The following LMLN variants were observed in gnomAD, a reference collection of about 807,000 sequenced individuals.
The protein encoded by LMLN is leishmanolysin-like peptidase.
LMLN carries 70 observed loss-of-function variants against 92.3 expected under a neutral mutation model. The ratio of observed to expected loss-of-function variants is 0.76; its 90% CI spans 0.63 to 0.92. The LOEUF (loss-of-function observed/expected upper bound fraction) is 0.92, where lower values mean the gene tolerates loss of function less well. Ranked by LOEUF, LMLN falls within the 40% of genes least tolerant of loss-of-function variation. The pLI, the probability that LMLN is intolerant of heterozygous loss-of-function variation, is 0.00. For synonymous variants in LMLN, 308 were observed against 296.2 expected (o/e 1.04, Z -0.41); for missense variants, 691 against 814.6 (o/e 0.85, Z 1.85).
chr3:198,021,188 A>G (rs988800377), intron 12 of LMLN, among the ~76,000 whole-genome samples: 3 of 152,230 alleles, frequency 2.0e-5, no homozygotes, highest in African/African-American at 7.2e-5. Context: ...CTGTTAAAAC[A>G]TTAGTCTAAT....
At chr3:197,991,779 C>T (rs1321615826) in intron 9 of LMLN, among the ~76,000 whole-genome samples, 1 of 152,026 alleles carries the variant, frequency 6.6e-6, no homozygotes, top group African/African-American at 2.4e-5. Flanking sequence ...TTCTGCACTG[C>T]TCTTGGGCTA....
intron 1 of LMLN, among the ~76,000 whole-genome samples, chr3:197,971,365 A>G (rs946986473): frequency 6.6e-6 from 1 of 152,306 alleles, no homozygotes; most frequent in East Asian, 1.9e-4. Flanking sequence ...TTATAAAACC[A>G]TCAGATCTTG....
At chr3:198,003,203 G>A in intron 11 of LMLN, 78 bp downstream of exon 12, 1 of 854,828 alleles carries the variant, frequency 1.2e-6, no homozygotes, top group Non-Finnish European at 1.8e-6. Context: ...AGCCTAAAAT[G>A]CTATTTTCAA....
intron 10 of LMLN, among the ~76,000 whole-genome samples, chr3:197,996,954 G>C (rs1229793796): frequency 2.0e-5 from 3 of 151,798 alleles, no homozygotes; most frequent in Non-Finnish European, 2.9e-5. Context: ...GCCTACTCTA[G>C]TCTGTGTGTT....
rs143847804 is a variant in LMLN, at chr3:197,999,903, G to A, written c.1232+561G>A. The stretch of plus-strand genomic sequence containing the variant: ...ATGATTTGTTTTCGAATAAGCAGGG[G>A]CTGAGCCCATATGAAGGAAAGAGTA... On this transcript the variant is annotated intron_variant, in intron 11 of 15. Transcript: ENST00000330198. Among the ~76,000 whole-genome samples, 170 of 152,288 alleles carry A rather than the reference G, an allele frequency of 1.1e-3. 1 individual carries two copies. The highest frequency in any genetic ancestry group is 1.6e-3 in the Non-Finnish European group (110 of 68,020).
chr3:198,033,749 A>G (rs1723138875), intron 14 of LMLN, among the ~76,000 whole-genome samples: 1 of 152,200 alleles, frequency 6.6e-6, no homozygotes, highest in Non-Finnish European at 1.5e-5. Flanking sequence ...TGAAACTGCT[A>G]GAGGGCAGGC....
chr3:198,001,631 T>C (rs1722175089), intron 11 of LMLN, among the ~76,000 whole-genome samples: 1 of 152,200 alleles, frequency 6.6e-6, no homozygotes, highest in Non-Finnish European at 1.5e-5. Context: ...GTTGCAGAAG[T>C]TGCAGGCATT....
At chr3:197,961,647 C>T (rs1720894429) in intron 1 of LMLN, among the ~76,000 whole-genome samples, 1 of 152,180 alleles carries the variant, frequency 6.6e-6, no homozygotes, top group Non-Finnish European at 1.5e-5. Context: ...CCCTGTCGTC[C>T]TCACTATTCT....
chr3:197,966,203 C>T (rs867596236), intron 1 of LMLN, among the ~76,000 whole-genome samples: 30 of 152,008 alleles, frequency 2.0e-4, no homozygotes, highest in African/African-American at 5.1e-4. Flanking sequence ...CCATCATGCC[C>T]GGCTAATTTT....
chr3:197,981,721 A>G (rs1721561737), intron 6 of LMLN, among the ~76,000 whole-genome samples: 1 of 152,222 alleles, frequency 6.6e-6, no homozygotes, highest in East Asian at 1.9e-4. Context: ...TATGTCTCAG[A>G]ATAGATTGTA....
chr3:198,006,217 T>A (rs941383285), intron 11 of LMLN, among the ~76,000 whole-genome samples: 2 of 152,242 alleles, frequency 1.3e-5, no homozygotes, highest in Non-Finnish European at 2.9e-5. Context: ...CATAATTCTC[T>A]GGAAATTCAT....
At chr3:197,993,927 A>C (rs1174087682) in intron 9 of LMLN, among the ~76,000 whole-genome samples, 2 of 152,210 alleles carry the variant, frequency 1.3e-5, no homozygotes, top group Non-Finnish European at 2.9e-5. Flanking sequence ...GATGAATGGA[A>C]CAGAATAAAT....
chr3:197,963,771 T>G (rs944269841), intron 1 of LMLN, among the ~76,000 whole-genome samples: 1 of 152,246 alleles, frequency 6.6e-6, no homozygotes, highest in Non-Finnish European at 1.5e-5. Context: ...ATCATTTATG[T>G]ATTTTTTCCC....
chr3:197,965,644 G>C (rs1721036904), intron 1 of LMLN, among the ~76,000 whole-genome samples: 1 of 152,212 alleles, frequency 6.6e-6, no homozygotes, highest in African/African-American at 2.4e-5. Context: ...GCCAAGTACA[G>C]TCACTCATGC....
At chr3:197,965,918 A>T (rs540485683) in intron 1 of LMLN, among the ~76,000 whole-genome samples, 1 of 152,266 alleles carries the variant, frequency 6.6e-6, no homozygotes, top group African/African-American at 2.4e-5. Flanking sequence ...ACAGGAGAAA[A>T]TAGGTGTATT....
intron 11 of LMLN, among the ~76,000 whole-genome samples, chr3:198,014,623 C>T (rs1414825419): frequency 8.3e-6 from 1 of 120,768 alleles, no homozygotes; most frequent in African/African-American, 3.5e-5. Context: ...CTTCAGAGCC[C>T]CCTAACTAGT....
chr3:197,995,271 A>G (rs1411888293), intron 9 of LMLN, among the ~76,000 whole-genome samples: 3 of 152,028 alleles, frequency 2.0e-5, no homozygotes, highest in African/African-American at 7.3e-5. Flanking sequence ...ATATGTGAGA[A>G]TTGACTGTGC....
At chr3:198,033,628 C>T (rs976204489) in intron 14 of LMLN, among the ~76,000 whole-genome samples, 1 of 152,172 alleles carries the variant, frequency 6.6e-6, no homozygotes, top group African/African-American at 2.4e-5. Context: ...TCTCGAACTC[C>T]TGACCTCAGG....
intron 11 of LMLN, among the ~76,000 whole-genome samples, chr3:198,013,883 C>T (rs543355235): frequency 2.1e-4 from 26 of 126,458 alleles, no homozygotes; most frequent in African/African-American, 4.3e-4. Context: ...CTTCAGAGCC[C>T]CCTAACTAGT....
Sources: gnomAD v4.1 joint callset for allele counts (sites outside exome capture counted in the v4.1 genomes callset) on GRCh38, gnomAD v4.1.1 for gene constraint, MANE v1.5 for transcripts, NCBI Gene and HGNC (gene_info 2026-07-23, HGNC 2026-07-21) for gene names.